EVI5: variants seen among roughly 807,000 people sequenced by gnomAD.
EVI5 encodes ecotropic viral integration site 5.
EVI5 carries 73 observed loss-of-function variants against 112.0 expected under a neutral mutation model. The ratio of observed to expected loss-of-function variants is 0.65; its 90% CI spans 0.54 to 0.79. EVI5 has a LOEUF of 0.79. Among genes scored for constraint, EVI5 ranks in the 30% least tolerant of loss-of-function variants. The pLI is 0.00. For missense variants in EVI5, 900 were observed against 968.8 expected (o/e 0.93, Z 0.94); for synonymous variants, 305 against 319.9 (o/e 0.95, Z 0.50).
intron 19 of EVI5, among the ~76,000 whole-genome samples, chr1:92,549,483 C>G (rs1416068991): frequency 1.3e-5 from 2 of 151,358 alleles, no homozygotes; most frequent in South Asian, 4.2e-4. Flanking sequence ...GCATCAAAAG[C>G]CAAAATTGAC....
intron 19 of EVI5, among the ~76,000 whole-genome samples, chr1:92,530,102 T>A (rs1456576496): frequency 6.6e-6 from 1 of 152,190 alleles, no homozygotes; most frequent in Non-Finnish European, 1.5e-5. Context: ...GATTATTTCT[T>A]AATCATATTT....
At position 92,528,715 on chromosome 1, in the gene EVI5, T is replaced by G. The variant is rs182771234; in HGVS notation, c.2167-14745A>C. Reference sequence around the variant, plus strand: ...CCCAAATAACTCATTCTATATGATTTCATTAGTAAAATGTTAAAAACCAGG... The same window carrying G: ...CCCAAATAACTCATTCTATATGATTGCATTAGTAAAATGTTAAAAACCAGG... On this transcript the variant is annotated intron_variant, in intron 19 of 19. Coordinates refer to ENST00000684568, the MANE Select transcript of EVI5 (RefSeq NM_001350197.2). Among the ~76,000 whole-genome samples, 152 of 152,320 alleles carry G rather than the reference T, an allele frequency of 1.0e-3. 1 individual carries two copies. The highest frequency in any genetic ancestry group is 3.9e-4 in the East Asian group (2 of 5,192).
intron 2 of EVI5, among the ~76,000 whole-genome samples, chr1:92,719,630 C>T (rs1674397432): frequency 6.6e-6 from 1 of 151,970 alleles, no homozygotes; most frequent in Admixed American, 6.6e-5. Context: ...CCTTTGAAAA[C>T]CGGCACAAGA....
At chr1:92,608,012 A>T (rs1391832603) in intron 16 of EVI5, among the ~76,000 whole-genome samples, 1 of 151,740 alleles carries the variant, frequency 6.6e-6, no homozygotes, top group Non-Finnish European at 1.5e-5. Flanking sequence ...TTAGCCAGGC[A>T]TGGTGGCGGG....
chr1:92,633,625 C>T (rs570686132), intron 14 of EVI5, among the ~76,000 whole-genome samples: 15 of 152,232 alleles, frequency 9.9e-5, no homozygotes, highest in Non-Finnish European at 2.2e-4. Context: ...ACTCTTTATC[C>T]AATTTGCCAG....
intron 13 of EVI5, among the ~76,000 whole-genome samples, chr1:92,650,866 T>C (rs1419976025): frequency 6.6e-6 from 1 of 152,192 alleles, no homozygotes; most frequent in Non-Finnish European, 1.5e-5. Flanking sequence ...ATAAAGGCCT[T>C]TCTACTAAGT....
intron 16 of EVI5, among the ~76,000 whole-genome samples, chr1:92,612,490 C>T (rs1260104846): frequency 6.6e-6 from 1 of 151,986 alleles, no homozygotes; most frequent in African/African-American, 2.4e-5. Flanking sequence ...GGGAGGATCA[C>T]TTGAGGTCAG....
chr1:92,607,512 G>A (rs1374937017), intron 17 of EVI5, 69 bp downstream of exon 17: 34 of 1,110,184 alleles, frequency 3.1e-5, no homozygotes, highest in Middle Eastern at 2.3e-4. Context: ...ATCTAATCAC[G>A]ATAAAACAAA....
intron 18 of EVI5, among the ~76,000 whole-genome samples, chr1:92,604,742 T>C (rs1649972585): frequency 6.6e-6 from 1 of 152,210 alleles, no homozygotes; most frequent in Non-Finnish European, 1.5e-5. Flanking sequence ...TGCAGTGGGT[T>C]TGTTTATACC....
At chr1:92,657,482 G>A (rs1211833121) in intron 13 of EVI5, among the ~76,000 whole-genome samples, 1 of 152,066 alleles carries the variant, frequency 6.6e-6, no homozygotes, top group African/African-American at 2.4e-5. Flanking sequence ...GGGTAACATG[G>A]CGAAAACCCA....
chr1:92,620,065 C>G (rs75896602), intron 16 of EVI5, among the ~76,000 whole-genome samples: 2 of 152,100 alleles, frequency 1.3e-5, no homozygotes, highest in Non-Finnish European at 2.9e-5. Context: ...CAACCAAGGG[C>G]CGGGCGTGCT....
chr1:92,605,487 A>T, intron 17 of EVI5, 85 bp from the exon 18 acceptor site: 1 of 886,324 alleles, frequency 1.1e-6, no homozygotes, highest in South Asian at 1.4e-5. Context: ...TGCATAAACC[A>T]TACGTTAAGT....
At chr1:92,730,277 G>C (rs1676236035) in intron 2 of EVI5, among the ~76,000 whole-genome samples, 1 of 152,098 alleles carries the variant, frequency 6.6e-6, no homozygotes, top group Admixed American at 6.5e-5. Flanking sequence ...AGAATCACTT[G>C]AGCCCAGGAG....
chr1:92,781,389 C>T (rs1400051014), intron 1 of EVI5, among the ~76,000 whole-genome samples: 3 of 151,214 alleles, frequency 2.0e-5, no homozygotes, highest in Non-Finnish European at 4.4e-5. Flanking sequence ...TGCCTGTAGT[C>T]GTAGTCACAG....
intron 19 of EVI5, among the ~76,000 whole-genome samples, chr1:92,519,567 G>T (rs954556657): frequency 6.6e-6 from 1 of 152,052 alleles, no homozygotes; most frequent in Non-Finnish European, 1.5e-5. Flanking sequence ...CAATAAAAAG[G>T]AATGAAGTGC....
intron 2 of EVI5, among the ~76,000 whole-genome samples, chr1:92,724,087 T>G (rs1675183304): frequency 6.6e-6 from 1 of 152,206 alleles, no homozygotes; most frequent in African/African-American, 2.4e-5. Flanking sequence ...TCAGTAATTC[T>G]AATTTTGCCT....
chr1:92,596,723 G>A (rs889491699), intron 18 of EVI5, among the ~76,000 whole-genome samples: 2 of 152,074 alleles, frequency 1.3e-5, no homozygotes, highest in African/African-American at 2.4e-5. Context: ...GCCTCCCAAA[G>A]TGCTGGGATT....
chr1:92,566,799 C>T (rs1031729514), intron 18 of EVI5, among the ~76,000 whole-genome samples: 9 of 143,188 alleles, frequency 6.3e-5, no homozygotes, highest in African/African-American at 1.8e-4. Flanking sequence ...AATGTGTGTG[C>T]CTGCTTTTTT....
At chr1:92,663,079 T>C (rs1261963591) in intron 12 of EVI5, among the ~76,000 whole-genome samples, 1 of 152,196 alleles carries the variant, frequency 6.6e-6, no homozygotes, top group African/African-American at 2.4e-5. Context: ...CAAGAACAAT[T>C]CTTTCAGTCA....
Sources: gnomAD v4.1 joint callset for allele counts (sites outside exome capture counted in the v4.1 genomes callset) on GRCh38, gnomAD v4.1.1 for gene constraint, MANE v1.5 for transcripts, NCBI Gene and HGNC (gene_info 2026-07-23, HGNC 2026-07-21) for gene names.